The following TFAP2B variants were observed in gnomAD, a reference collection of about 807,000 sequenced individuals.
The protein encoded by TFAP2B is transcription factor AP-2 beta.
In TFAP2B, 9 loss-of-function variants were observed where a neutral mutation model predicts 44.3. The observed-to-expected ratio is 0.20, with a 90% CI of 0.12 to 0.35. TFAP2B has a LOEUF of 0.35. Among genes scored for constraint, TFAP2B ranks in the 10% least tolerant of loss-of-function variants. The pLI is 1.00. For missense variants in TFAP2B, 509 were observed against 600.0 expected (o/e 0.85, Z 1.59); for synonymous variants, 270 against 263.8 (o/e 1.02, Z -0.23).
At chr6:50,820,038 A>G (rs1318981638) in intron 1 of TFAP2B, among the ~76,000 whole-genome samples, 1 of 152,214 alleles carries the variant, frequency 6.6e-6, no homozygotes, top group Non-Finnish European at 1.5e-5. Flanking sequence ...GTTGGAAATA[A>G]AAACTTCGGA....
intron 2 of TFAP2B, among the ~76,000 whole-genome samples, chr6:50,825,787 C>A (rs978031883): frequency 6.6e-6 from 1 of 152,160 alleles, no homozygotes; most frequent in Non-Finnish European, 1.5e-5. Flanking sequence ...ACTCACCCAA[C>A]CCCCACCCTG....
intron 2 of TFAP2B, 123 bp from the exon 3 acceptor site, chr6:50,828,496 A>T: frequency 1.3e-6 from 1 of 787,928 alleles, no homozygotes; most frequent in Non-Finnish European, 2.1e-6. Context: ...ATAATAATAA[A>T]ACAGCCCTTT....
At chr6:50,830,709 A>C (rs1329723019) in intron 3 of TFAP2B, among the ~76,000 whole-genome samples, 1 of 152,172 alleles carries the variant, frequency 6.6e-6, no homozygotes. Context: ...CCATAGGCAA[A>C]ATAAGAATAC....
At chr6:50,832,285 C>T (rs774010724) in intron 3 of TFAP2B, among the ~76,000 whole-genome samples, 3 of 152,146 alleles carry the variant, frequency 2.0e-5, no homozygotes, top group Non-Finnish European at 4.4e-5. Context: ...CTGAGAGAGA[C>T]AATAAATGAC....
intron 1 of TFAP2B, chr6:50,821,941 T>A: frequency 3.0e-6 from 1 of 330,810 alleles, no homozygotes; most frequent in Admixed American, 4.7e-5. Context: ...AATAGTTCTG[T>A]CTGTGTGTGA....
chr6:50,823,888 AC>A, intron 2 of TFAP2B, 23 bp downstream of exon 2: 1 of 1,536,210 alleles, frequency 6.5e-7, no homozygotes, highest in Non-Finnish European at 8.7e-7. Context: ...AAACAAACAA[AC>A]AAACAAAAAA....
In TFAP2B at chr6:50,823,465, C is replaced by G. The variant is rs1332978785; in HGVS notation, c.140C>G (p.Ser47Cys). ...SSRLSQLGSVSQGPYSSAPPL... is the reference protein window; with the variant it reads ...SSRLSQLGSVCQGPYSSAPPL... ...CGGCTCTCCCAGCTGGGCTCGGTGT[C>G]CCAAGGACCCTACTCGAGCGCCCCG... The change falls in exon 2 of 7, where the codon TCC (serine) becomes TGC (cysteine). Residue 47 changes from serine to cysteine, a missense_variant. Transcript: ENST00000393655. 1.2e-6 allele frequency: 2 copies of G among 1,611,502 alleles called. No individual in the cohort carries two copies. The highest frequency in any genetic ancestry group is 1.7e-6 in the Non-Finnish European group (2 of 1,179,082).
chr6:50,843,010 G>A (rs1333162805), intron 6 of TFAP2B, 82 bp from the exon 7 acceptor site: 1 of 1,585,116 alleles, frequency 6.3e-7, no homozygotes, highest in Non-Finnish European at 8.7e-7. Context: ...GGCGCCTCTG[G>A]GCTTGTGTGA....
At chr6:50,823,967 G>A in intron 2 of TFAP2B, 102 bp downstream of exon 2, 1 of 1,288,204 alleles carries the variant, frequency 7.8e-7, no homozygotes, top group South Asian at 1.3e-5. Flanking sequence ...TCTTTTTGGG[G>A]AGTTTGTTCC....
intron 5 of TFAP2B, among the ~76,000 whole-genome samples, chr6:50,838,710 C>A (rs1225961498): frequency 2.0e-5 from 3 of 152,008 alleles, no homozygotes; most frequent in Non-Finnish European, 2.9e-5. Context: ...GCAATAAGCA[C>A]CTTATAATTT....
At chr6:50,830,375 G>C in intron 3 of TFAP2B, 1 of 867,176 alleles carries the variant, frequency 1.2e-6, no homozygotes, top group Non-Finnish European at 1.4e-6. Flanking sequence ...GGGATGCTTT[G>C]GTTTCAGAGC....
At chr6:50,820,283 G>T (rs1445574976) in intron 1 of TFAP2B, among the ~76,000 whole-genome samples, 2 of 152,192 alleles carry the variant, frequency 1.3e-5, no homozygotes, top group African/African-American at 4.8e-5. Flanking sequence ...GCGCAGAGCC[G>T]CCTCGAAGAT....
rs906455334 is a variant in TFAP2B, at chr6:50,826,502, G to C, written c.541-2117G>C. Among the ~76,000 whole-genome samples the C allele has an allele frequency of 8.6e-5, 13 of 151,958 alleles. 1 individual carries two copies. Among genetic ancestry groups the C allele is most frequent in the Middle Eastern group, 6.8e-3 (2 of 294 alleles). On this transcript the variant is annotated intron_variant, in intron 2 of 6. Coordinates refer to ENST00000393655, the MANE Select transcript of TFAP2B (RefSeq NM_003221.4). Reference sequence around the variant, plus strand: ...ATTTCTATTTCAATTTACTCACAGGGGCTATTAAACTAGCAAATCGCTGTT... The same window carrying C: ...ATTTCTATTTCAATTTACTCACAGGCGCTATTAAACTAGCAAATCGCTGTT...
Position 50,836,041 on chromosome 6 carries a change from A to C in TFAP2B, c.602-20A>C. 1 of 1,607,072 alleles carries C rather than the reference A, an allele frequency of 6.2e-7. No homozygotes were observed. The highest frequency in any genetic ancestry group is 8.5e-7 in the Non-Finnish European group (1 of 1,173,620). ...ATCGAAACTTGGTCACCTTTATGGC[A>C]ATTTTTTCTCTCTTTCTAGTTCCAG... On this transcript the variant is annotated intron_variant, in intron 3 of 6. Transcript: ENST00000393655.
At chr6:50,819,085 G>C in intron 1 of TFAP2B, 113 bp downstream of exon 1, 12 of 1,086,352 alleles carry the variant, frequency 1.1e-5, no homozygotes, top group Non-Finnish European at 1.5e-5. Context: ...TTTCCGGTCG[G>C]TTTTCTCAGC....
chr6:50,833,599 G>A (rs1162157696), intron 3 of TFAP2B, among the ~76,000 whole-genome samples: 1 of 152,158 alleles, frequency 6.6e-6, no homozygotes, highest in East Asian at 1.9e-4. Flanking sequence ...TTGGATTGGG[G>A]GTATGCAGGT....
In TFAP2B at chr6:50,837,959, A is replaced by C. The variant is rs2113952584; in HGVS notation, c.822-16A>C. Reference sequence around the variant, plus strand: ...CACTCTAAGGTTAATCAGAATGTTAATTCTTGCAATTTCAGAGCCAAATCG... The same window carrying C: ...CACTCTAAGGTTAATCAGAATGTTACTTCTTGCAATTTCAGAGCCAAATCG... On this transcript the variant is annotated splice_polypyrimidine_tract_variant and intron_variant, in intron 4 of 6. Transcript: ENST00000393655. The C allele has an allele frequency of 6.3e-7, 1 of 1,591,308 alleles. No individual in the cohort carries two copies. The highest frequency in any genetic ancestry group is 1.7e-5 in the Admixed American group (1 of 60,004).
intron 4 of TFAP2B, among the ~76,000 whole-genome samples, chr6:50,837,735 CTTTT>C (rs965191283): frequency 6.6e-6 from 1 of 151,204 alleles, no homozygotes; most frequent in African/African-American, 2.4e-5. Context: ...ATCTGGTATC[CTTTT>C]TTTTTCTTTT....
chr6:50,821,436 C>A (rs902255053), intron 1 of TFAP2B, among the ~76,000 whole-genome samples: 1 of 152,300 alleles, frequency 6.6e-6, no homozygotes, highest in Non-Finnish European at 1.5e-5. Flanking sequence ...ACAAAGCACC[C>A]AAGGCGACCA....
Sources: allele counts gnomAD v4.1 joint callset (sites outside exome capture counted in the v4.1 genomes callset), GRCh38; gene constraint gnomAD v4.1.1; transcripts MANE v1.5; gene names NCBI Gene and HGNC (gene_info 2026-07-23, HGNC 2026-07-21).